SGCZ: variants seen among roughly 807,000 people sequenced by gnomAD.
SGCZ encodes the protein sarcoglycan zeta, also known as zeta-sarcoglycan.
Under a neutral mutation model 41.3 loss-of-function variants are expected in SGCZ, and 40 were observed. The observed-to-expected ratio is 0.97, with a 90% CI of 0.75 to 1.26. SGCZ has a LOEUF of 1.26. SGCZ is among the 50% of genes most tolerant of loss of function. The pLI, the probability that SGCZ is intolerant of heterozygous loss-of-function variation, is 0.00. For missense variants in SGCZ, 552 were observed against 369.8 expected, an observed-to-expected ratio of 1.49 and a Z score of -4.04; for synonymous variants, 206 against 137.5, an observed-to-expected ratio of 1.50 and a Z score of -3.49.
chr8:14,820,748 A>G (rs1007120006), intron 1 of SGCZ, among the ~76,000 whole-genome samples: 3 of 152,008 alleles, frequency 2.0e-5, no homozygotes, highest in African/African-American at 7.2e-5. Flanking sequence ...CCAATGGGTT[A>G]ATGAAGAAAT....
chr8:14,276,966 G>C (rs1800256928), intron 3 of SGCZ, among the ~76,000 whole-genome samples: 1 of 152,134 alleles, frequency 6.6e-6, no homozygotes, highest in Non-Finnish European at 1.5e-5. Flanking sequence ...ATGTAACGGG[G>C]CCTTTTGGCC....
chr8:14,707,224 C>T (rs1359073405), intron 1 of SGCZ, among the ~76,000 whole-genome samples: 1 of 138,920 alleles, frequency 7.2e-6, no homozygotes, highest in East Asian at 2.4e-4. Context: ...TGATGTTCCC[C>T]TTCCTGTGTC....
intron 5 of SGCZ, among the ~76,000 whole-genome samples, chr8:14,154,115 A>G (rs1192424609): frequency 6.6e-6 from 1 of 152,146 alleles, no homozygotes; most frequent in Non-Finnish European, 1.5e-5. Context: ...TCATGCCTGT[A>G]ATCCCAGCAT....
At chr8:14,295,504 T>C (rs996784127) in intron 3 of SGCZ, among the ~76,000 whole-genome samples, 3 of 152,184 alleles carry the variant, frequency 2.0e-5, no homozygotes, top group Admixed American at 6.5e-5. Flanking sequence ...TAATTTCATA[T>C]AGTAAGAAAT....
At chr8:14,570,131 T>C (rs1804507106) in intron 1 of SGCZ, among the ~76,000 whole-genome samples, 1 of 152,140 alleles carries the variant, frequency 6.6e-6, no homozygotes, top group Non-Finnish European at 1.5e-5. Flanking sequence ...ATATAAGCCA[T>C]ATGAAGACCG....
intron 1 of SGCZ, among the ~76,000 whole-genome samples, chr8:14,677,425 T>C (rs957545581): frequency 6.6e-6 from 1 of 152,140 alleles, no homozygotes; most frequent in East Asian, 1.9e-4. Context: ...TCTCAGCTTA[T>C]TTTATGAATA....
intron 2 of SGCZ, among the ~76,000 whole-genome samples, chr8:14,535,703 A>G (rs1289227945): frequency 6.6e-6 from 1 of 151,888 alleles, no homozygotes; most frequent in African/African-American, 2.4e-5. Flanking sequence ...TATCATTCCA[A>G]GATTTCACAC....
At chr8:14,626,019 G>A (rs531105497) in intron 1 of SGCZ, among the ~76,000 whole-genome samples, 10 of 152,138 alleles carry the variant, frequency 6.6e-5, no homozygotes, top group South Asian at 2.1e-4. Context: ...GCATACTGTC[G>A]CTAGGGCAGA....
At chr8:14,304,562 C>T (rs1167663305) in intron 3 of SGCZ, among the ~76,000 whole-genome samples, 4 of 152,132 alleles carry the variant, frequency 2.6e-5, no homozygotes, top group Admixed American at 2.6e-4. Context: ...AACTGCAATC[C>T]AGCCTGGGCA....
At chr8:14,260,995 C>T (rs577532973) in intron 3 of SGCZ, among the ~76,000 whole-genome samples, 1 of 152,094 alleles carries the variant, frequency 6.6e-6, no homozygotes, top group African/African-American at 2.4e-5. Context: ...ATACCTAACG[C>T]TAGATGACGA....
In SGCZ at chr8:14,215,875, G is replaced by A. The variant is rs113752130; in HGVS notation, c.424+21717C>T. ...AATACCTTGGCCCAGATGGTGCCGG[G>A]TGCAACCCGCAGACACTGGACGAAA... On this transcript the variant is annotated intron_variant, in intron 4 of 7. Transcript: ENST00000382080. 2.5e-3 allele frequency among the ~76,000 whole-genome samples: 381 copies of A among 152,336 alleles called. 3 individuals are homozygous for A. The highest frequency in any genetic ancestry group is 8.7e-3 in the African/African-American group (361 of 41,586).
At chr8:14,945,883 G>A (rs936746437) in intron 1 of SGCZ, among the ~76,000 whole-genome samples, 2 of 149,806 alleles carry the variant, frequency 1.3e-5, no homozygotes. Flanking sequence ...CAGCTTCCCT[G>A]GTTCTGAGGT....
At chr8:15,074,393 T>C (rs1349141592) in intron 1 of SGCZ, among the ~76,000 whole-genome samples, 1 of 152,208 alleles carries the variant, frequency 6.6e-6, no homozygotes, top group Admixed American at 6.5e-5. Context: ...CAACTCATTA[T>C]CATCTTTAAA....
rs774430038 is a variant in SGCZ at position 14,090,415 on chromosome 8, A to C, written c.*28T>G. On this transcript the variant is annotated 3_prime_UTR_variant, in exon 8 of 8. Transcript: ENST00000382080. ...AGCAGACGGACAGGAACAAAAGGCT[A>C]TTCTGGTGTGAGGAGAAATCAGTCA... The C allele has an allele frequency of 1.2e-6, 2 of 1,603,378 alleles. No homozygotes were observed. The highest frequency in any genetic ancestry group is 1.7e-5 in the Admixed American group (1 of 59,112).
chr8:14,563,826 A>C (rs767677933), intron 1 of SGCZ, among the ~76,000 whole-genome samples: 2 of 152,188 alleles, frequency 1.3e-5, no homozygotes, highest in Non-Finnish European at 2.9e-5. Flanking sequence ...AAGTAGTCAA[A>C]AGATAAAGTC....
At chr8:14,735,602 G>T (rs1265373367) in intron 1 of SGCZ, among the ~76,000 whole-genome samples, 1 of 152,080 alleles carries the variant, frequency 6.6e-6, no homozygotes, top group African/African-American at 2.4e-5. Context: ...CTCAGCCTGA[G>T]CCACTAATGG....
intron 1 of SGCZ, among the ~76,000 whole-genome samples, chr8:14,831,255 T>C (rs1585300827): frequency 6.6e-6 from 1 of 152,320 alleles, no homozygotes; most frequent in East Asian, 1.9e-4. Flanking sequence ...GTTTCAGTTG[T>C]AGATATTTGA....
At position 14,992,377 on chromosome 8, in the gene SGCZ, C is replaced by T. The variant is rs560172989; in HGVS notation, c.39+245208G>A. Among the ~76,000 whole-genome samples, 399 of 149,696 alleles carry T rather than the reference C, an allele frequency of 2.7e-3. 2 individuals carry two copies. The highest frequency in any genetic ancestry group is 0.014 in the Admixed American group (216 of 15,022). Reference sequence around the variant, plus strand: ...ATCTACTCCCAAAACCAATGTTACCCTTGCTATTTACCTCTCACCCTCAAC... The same window carrying T: ...ATCTACTCCCAAAACCAATGTTACCTTTGCTATTTACCTCTCACCCTCAAC... On this transcript the variant is annotated intron_variant, in intron 1 of 7. Transcript: ENST00000382080.
At chr8:14,679,463 G>A (rs181971216) in intron 1 of SGCZ, among the ~76,000 whole-genome samples, 11 of 151,270 alleles carry the variant, frequency 7.3e-5, no homozygotes, top group East Asian at 3.9e-4. Flanking sequence ...ATGTGTGTTC[G>A]TGTATTAGTT....
Sources: allele counts gnomAD v4.1 joint callset (sites outside exome capture counted in the v4.1 genomes callset), GRCh38; gene constraint gnomAD v4.1.1; transcripts MANE v1.5; gene names NCBI Gene and HGNC (gene_info 2026-07-23, HGNC 2026-07-21).